SMIM31: variants seen among roughly 807,000 people sequenced by gnomAD.
SMIM31 encodes human epithelial cell program regulator.
chr4:164,774,148 A>G (rs1732850816), intron 2 of SMIM31, among the ~76,000 whole-genome samples: 1 of 147,846 alleles, frequency 6.8e-6, no homozygotes, highest in African/African-American at 2.5e-5. Flanking sequence ...CCTGGGCAAC[A>G]GAGCGAGACT....
intron 1 of SMIM31, among the ~76,000 whole-genome samples, chr4:164,758,828 T>TA (rs1732606550): frequency 6.6e-5 from 5 of 75,688 alleles, no homozygotes; most frequent in African/African-American, 1.9e-4. Flanking sequence ...TTTTTTTTTT[T>TA]TTTTTTTTTT....
At chr4:164,793,805 G>A (rs1733139440) in intron 2 of SMIM31, among the ~76,000 whole-genome samples, 1 of 151,904 alleles carries the variant, frequency 6.6e-6, no homozygotes, top group Non-Finnish European at 1.5e-5. Flanking sequence ...GGGCTAAGTG[G>A]GACAGAAACA....
chr4:164,797,856 T>C (rs915360083), intron 2 of SMIM31, among the ~76,000 whole-genome samples: 1 of 152,104 alleles, frequency 6.6e-6, no homozygotes, highest in Non-Finnish European at 1.5e-5. Flanking sequence ...TTATACCCAA[T>C]AGGTAATTTT....
chr4:164,760,241 T>C (rs1411252529), intron 1 of SMIM31, among the ~76,000 whole-genome samples: 1 of 152,168 alleles, frequency 6.6e-6, no homozygotes, highest in Non-Finnish European at 1.5e-5. Flanking sequence ...ATAGGAGCCA[T>C]AATAGAGTGT....
At chr4:164,782,479 C>T (rs974682126) in intron 2 of SMIM31, among the ~76,000 whole-genome samples, 4 of 147,640 alleles carry the variant, frequency 2.7e-5, no homozygotes, top group African/African-American at 5.1e-5. Flanking sequence ...CCCAGGTTCA[C>T]GCCATTCTCC....
At chr4:164,785,706 G>A (rs1733018102) in intron 2 of SMIM31, among the ~76,000 whole-genome samples, 1 of 151,198 alleles carries the variant, frequency 6.6e-6, no homozygotes, top group East Asian at 1.9e-4. Flanking sequence ...GCTATGCAAT[G>A]CATATATTTA....
chr4:164,799,892 A>C (rs1733260542), intron 2 of SMIM31, among the ~76,000 whole-genome samples: 1 of 152,228 alleles, frequency 6.6e-6, no homozygotes, highest in African/African-American at 2.4e-5. Flanking sequence ...GTGCTAATTG[A>C]CATCAGGACT....
rs538471930 is a variant in SMIM31 at position 164,769,511 on chromosome 4, C to T, written c.-25-908C>T. On this transcript the variant is annotated intron_variant, in intron 1 of 2. Coordinates refer to ENST00000507311, the MANE Select transcript of SMIM31 (RefSeq NM_001352885.1). Reference sequence around the variant, plus strand: ...TCGCAAGGACAAAAAAACCAAACACCGCATGTTCTCACCCATAGGTGGGAA... The same window carrying T: ...TCGCAAGGACAAAAAAACCAAACACTGCATGTTCTCACCCATAGGTGGGAA... Among the ~76,000 whole-genome samples the T allele has an allele frequency of 4.1e-3, 601 of 147,660 alleles. 2 individuals carry two copies. Among genetic ancestry groups the T allele is most frequent in the South Asian group, 0.016 (76 of 4,696 alleles).
chr4:164,763,304 A>G (rs937410092), intron 1 of SMIM31, among the ~76,000 whole-genome samples: 1 of 152,144 alleles, frequency 6.6e-6, no homozygotes, highest in African/African-American at 2.4e-5. Flanking sequence ...AACATGTTAT[A>G]TTATCTATAA....
chr4:164,783,357 C>A (rs1732984737), intron 2 of SMIM31, among the ~76,000 whole-genome samples: 1 of 151,628 alleles, frequency 6.6e-6, no homozygotes, highest in Admixed American at 6.6e-5. Context: ...AACCCCATCT[C>A]TACCAAAAAC....
intron 2 of SMIM31, among the ~76,000 whole-genome samples, chr4:164,793,719 G>A (rs1440773093): frequency 1.3e-5 from 2 of 152,068 alleles, no homozygotes; most frequent in Admixed American, 1.3e-4. Context: ...TGACCTCATT[G>A]AACCTCAATG....
At chr4:164,801,020 A>G (rs142457251) in intron 2 of SMIM31, 71 bp from the exon 3 acceptor site, 25 of 397,170 alleles carry the variant, frequency 6.3e-5, no homozygotes, top group African/African-American at 4.1e-4. Context: ...TCTTCTTATA[A>G]CCGAAGTTAA....
intron 2 of SMIM31, among the ~76,000 whole-genome samples, chr4:164,789,940 C>T (rs1733078315): frequency 6.6e-6 from 1 of 152,108 alleles, no homozygotes; most frequent in Admixed American, 6.6e-5. Context: ...TAACAAAGGA[C>T]TGGAAATCTA....
At chr4:164,782,360 C>G (rs1256952919) in intron 2 of SMIM31, among the ~76,000 whole-genome samples, 2 of 148,882 alleles carry the variant, frequency 1.3e-5, no homozygotes, top group African/African-American at 5.1e-5. Context: ...TAAAACACTA[C>G]TTTATCTCTT....
At chr4:164,774,703 A>G (rs1345498783) in intron 2 of SMIM31, among the ~76,000 whole-genome samples, 3 of 152,198 alleles carry the variant, frequency 2.0e-5, no homozygotes, top group African/African-American at 4.8e-5. Flanking sequence ...TTGAGTTGCA[A>G]TTACAAACTG....
At chr4:164,778,650 T>C (rs1732908279) in intron 2 of SMIM31, among the ~76,000 whole-genome samples, 1 of 152,170 alleles carries the variant, frequency 6.6e-6, no homozygotes, top group Admixed American at 6.5e-5. Context: ...TAATGCTATG[T>C]CTACTTTGGA....
At chr4:164,779,512 C>T (rs1732919906) in intron 2 of SMIM31, among the ~76,000 whole-genome samples, 1 of 139,260 alleles carries the variant, frequency 7.2e-6, no homozygotes, top group Non-Finnish European at 1.5e-5. Flanking sequence ...TATTTTTCTG[C>T]AAATTTTTGT....
chr4:164,799,685 A>G (rs948504895), intron 2 of SMIM31, among the ~76,000 whole-genome samples: 3 of 152,178 alleles, frequency 2.0e-5, no homozygotes, highest in African/African-American at 7.2e-5. Context: ...TGACAGATAC[A>G]CCCAGAAACA....
chr4:164,768,975 CAT>C (rs1164730775), intron 1 of SMIM31, among the ~76,000 whole-genome samples: 1 of 152,226 alleles, frequency 6.6e-6, no homozygotes, highest in Non-Finnish European at 1.5e-5. Flanking sequence ...CGATTTCACA[CAT>C]GATTCTGGGA....
Sources: allele counts gnomAD v4.1 joint callset (sites outside exome capture counted in the v4.1 genomes callset), GRCh38; gene constraint gnomAD v4.1.1; transcripts MANE v1.5; gene names NCBI Gene and HGNC (gene_info 2026-07-23, HGNC 2026-07-21).